DRC10: variants seen among roughly 807,000 people sequenced by gnomAD.
DRC10 encodes IQ domain-containing protein D.
the DRC10 span, among the ~76,000 whole-genome samples, chr12:113,197,068 A>C: frequency 6.6e-6 from 1 of 152,190 alleles, no homozygotes; most frequent in African/African-American, 2.4e-5. Context: ...GTCTGTGGGA[A>C]GGAGCCCCAC....
the DRC10 span, among the ~76,000 whole-genome samples, chr12:113,210,854 G>GT: frequency 6.6e-6 from 1 of 152,128 alleles, no homozygotes; most frequent in Non-Finnish European, 1.5e-5. Context: ...AATGAAAGCT[G>GT]TAAGTTACTA....
At chr12:113,200,702 T>G in the DRC10 span, 7 of 1,536,216 alleles carry the variant, frequency 4.6e-6, no homozygotes, top group South Asian at 1.2e-5. Context: ...AAATCGGCCT[T>G]CTGCTGCTTC....
the DRC10 span, chr12:113,195,856 C>T: frequency 6.2e-7 from 1 of 1,612,992 alleles, no homozygotes; most frequent in Non-Finnish European, 8.5e-7. Flanking sequence ...ATCTTCTCCT[C>T]CCTGTGAACA....
chr12:113,199,532 T>G, the DRC10 span, among the ~76,000 whole-genome samples: 1 of 152,220 alleles, frequency 6.6e-6, no homozygotes, highest in South Asian at 2.1e-4. Context: ...GATGTGTAAG[T>G]GCATCTGTGC....
chr12:113,200,467 G>A, the DRC10 span: 1 of 873,826 alleles, frequency 1.1e-6, no homozygotes, highest in South Asian at 1.4e-5. Context: ...CTGAGTAGCT[G>A]GTGCAGTCCT....
At chr12:113,198,813 G>A in the DRC10 span, among the ~76,000 whole-genome samples, 1 of 152,360 alleles carries the variant, frequency 6.6e-6, no homozygotes, top group Admixed American at 6.5e-5. Context: ...AAAATAAGCA[G>A]GCTGGGCCAG....
the DRC10 span, among the ~76,000 whole-genome samples, chr12:113,201,444 T>C: frequency 3.3e-5 from 5 of 152,158 alleles, no homozygotes; most frequent in Non-Finnish European, 5.9e-5. Flanking sequence ...GCTTGTTGGA[T>C]TGAGGCCACA....
chr12:113,195,622 C>G, the DRC10 span: 1 of 1,612,400 alleles, frequency 6.2e-7, no homozygotes, highest in Non-Finnish European at 8.5e-7. Flanking sequence ...TTGCCCTTCT[C>G]CTTGTCCTTT....
At chr12:113,198,747 C>T in the DRC10 span, among the ~76,000 whole-genome samples, 1 of 152,088 alleles carries the variant, frequency 6.6e-6, no homozygotes, top group African/African-American at 2.4e-5. Flanking sequence ...ATACTAAATG[C>T]CACTGAATTG....
chr12:113,208,141 G>C, the DRC10 span: 3 of 1,613,772 alleles, frequency 1.9e-6, no homozygotes, highest in Non-Finnish European at 1.7e-6. Context: ...ATACAAAGGG[G>C]CCATGGCGAG....
the DRC10 span, among the ~76,000 whole-genome samples, chr12:113,216,795 C>T: frequency 6.6e-6 from 1 of 152,022 alleles, no homozygotes. Flanking sequence ...GGGTTGGGTG[C>T]GGTGGCTCAC....
the DRC10 span, chr12:113,207,310 T>G: frequency 1.2e-6 from 1 of 814,396 alleles, no homozygotes. Flanking sequence ...ATTACACCAC[T>G]GCACTCTAGT....
chr12:113,207,404 C>G, the DRC10 span: 1 of 1,534,030 alleles, frequency 6.5e-7, no homozygotes, highest in Non-Finnish European at 9.0e-7. Flanking sequence ...TGTGTGGCTT[C>G]TTCAGTAATT....
chr12:113,213,696 C>G, the DRC10 span, among the ~76,000 whole-genome samples: 1 of 152,234 alleles, frequency 6.6e-6, no homozygotes, highest in African/African-American at 2.4e-5. Flanking sequence ...CAGTGGCCCA[C>G]GCCTGTAATG....
chr12:113,208,097 T>A, the DRC10 span: 4 of 1,614,132 alleles, frequency 2.5e-6, no homozygotes, highest in African/African-American at 5.3e-5. Context: ...GATGGGTCTG[T>A]CTTTGGCCCT....
chr12:113,200,523 CACCCAT>C, the DRC10 span: 66 of 945,956 alleles, frequency 7.0e-5, no homozygotes, highest in East Asian at 1.6e-4. Flanking sequence ...GGAACAGTCC[CACCCAT>C]CCCCCCCACC....
the DRC10 span, chr12:113,200,319 G>T: frequency 6.3e-6 from 4 of 636,390 alleles, no homozygotes; most frequent in Non-Finnish European, 1.2e-5. Context: ...AAGCTGGCAT[G>T]CAGCAATGCT....
chr12:113,201,421 G>C, the DRC10 span, among the ~76,000 whole-genome samples: 2 of 152,216 alleles, frequency 1.3e-5, no homozygotes, highest in African/African-American at 2.4e-5. Flanking sequence ...CCTTGCACGA[G>C]TGAAGGGTAC....
the DRC10 span, chr12:113,197,600 C>G: frequency 6.5e-7 from 1 of 1,528,028 alleles, no homozygotes; most frequent in Non-Finnish European, 8.8e-7. Context: ...TCCGTTTCCA[C>G]TTTATATTTC....
Sources: allele counts gnomAD v4.1 joint callset (sites outside exome capture counted in the v4.1 genomes callset), GRCh38; gene constraint gnomAD v4.1.1; transcripts MANE v1.5; gene names NCBI Gene and HGNC (gene_info 2026-07-23, HGNC 2026-07-21).